Variants in KLF12 observed in about 807,000 individuals in gnomAD.
KLF12 encodes the protein KLF transcription factor 12.
KLF12 carries 9 observed loss-of-function variants against 37.8 expected under a neutral mutation model. That is an observed-to-expected ratio of 0.24 (90% CI 0.14 to 0.42). The LOEUF (loss-of-function observed/expected upper bound fraction) is 0.42. Among genes scored for constraint, KLF12 ranks in the 10% least tolerant of loss-of-function variants. The pLI, the probability that KLF12 is intolerant of heterozygous loss-of-function variation, is 1.00. For synonymous variants in KLF12, 208 were observed against 202.1 expected (o/e 1.03, Z -0.25); for missense variants, 411 against 516.0 (o/e 0.80, Z 1.97).
At chr13:73,917,447 C>T (rs1888901830) in intron 3 of KLF12, among the ~76,000 whole-genome samples, 2 of 152,224 alleles carry the variant, frequency 1.3e-5, no homozygotes, top group South Asian at 2.1e-4. Flanking sequence ...TTTTTAAATA[C>T]CTATGTTTTT....
the KLF12 span, among the ~76,000 whole-genome samples, chr13:74,222,733 T>C: frequency 6.6e-6 from 1 of 152,180 alleles, no homozygotes; most frequent in Non-Finnish European, 1.5e-5. Flanking sequence ...CTAAATAAAA[T>C]AATAATGTAT....
chr13:74,112,831 A>G (rs947344288), intron 1 of KLF12, among the ~76,000 whole-genome samples: 7 of 152,352 alleles, frequency 4.6e-5, no homozygotes, highest in Middle Eastern at 3.4e-3. Flanking sequence ...AGTAAGTTTA[A>G]TGAGGGAGGC....
the KLF12 span, among the ~76,000 whole-genome samples, chr13:74,294,879 C>G: frequency 6.6e-6 from 1 of 152,186 alleles, no homozygotes; most frequent in Non-Finnish European, 1.5e-5. Context: ...GCACCTCCCT[C>G]CAATCCATCA....
chr13:73,815,240 C>T (rs1020711075), intron 4 of KLF12, among the ~76,000 whole-genome samples: 1 of 152,164 alleles, frequency 6.6e-6, no homozygotes. Flanking sequence ...GGCAAAGCAA[C>T]CAGTTCCATC....
intron 3 of KLF12, among the ~76,000 whole-genome samples, chr13:73,893,402 G>A (rs1776068997): frequency 8.9e-6 from 1 of 112,788 alleles, no homozygotes; most frequent in Admixed American, 1.2e-4. Flanking sequence ...TTGAGACAGA[G>A]CCTCAGCCTC....
chr13:74,269,951 G>T, the KLF12 span, among the ~76,000 whole-genome samples: 4 of 152,194 alleles, frequency 2.6e-5, no homozygotes, highest in Non-Finnish European at 4.4e-5. Context: ...GCTGTTTGTG[G>T]TAATCTCAGT....
At chr13:74,208,632 A>G in the KLF12 span, among the ~76,000 whole-genome samples, 1 of 152,130 alleles carries the variant, frequency 6.6e-6, no homozygotes, top group African/African-American at 2.4e-5. Flanking sequence ...TTTTGGATAA[A>G]TACTTTCAAT....
intron 1 of KLF12, among the ~76,000 whole-genome samples, chr13:74,094,649 G>A (rs1167920887): frequency 6.6e-6 from 1 of 151,352 alleles, no homozygotes; most frequent in Admixed American, 6.6e-5. Flanking sequence ...GCCCAGACTG[G>A]AGGGCAGCGG....
intron 7 of KLF12, among the ~76,000 whole-genome samples, chr13:73,707,062 T>C (rs939776204): frequency 6.6e-6 from 1 of 152,194 alleles, no homozygotes; most frequent in Non-Finnish European, 1.5e-5. Context: ...AGGTAGGTAC[T>C]GCTGGGTAGA....
chr13:74,281,250 C>T, the KLF12 span, among the ~76,000 whole-genome samples: 29 of 152,188 alleles, frequency 1.9e-4, no homozygotes, highest in African/African-American at 7.0e-4. Flanking sequence ...AGAAATTATA[C>T]TTGCTGGGAA....
intron 7 of KLF12, among the ~76,000 whole-genome samples, chr13:73,701,046 TCTTTC>T (rs1874518726): frequency 6.6e-6 from 1 of 152,208 alleles, no homozygotes; most frequent in African/African-American, 2.4e-5. Context: ...TTTTTTGTCT[TCTTTC>T]CTTTAAAAAC....
chr13:74,121,358 A>G (rs901714774), intron 1 of KLF12, among the ~76,000 whole-genome samples: 1 of 152,106 alleles, frequency 6.6e-6, no homozygotes, highest in Non-Finnish European at 1.5e-5. Flanking sequence ...AAGAGAATGA[A>G]AAACTTCCCA....
At chr13:73,781,215 C>T (rs1361572662) in intron 5 of KLF12, among the ~76,000 whole-genome samples, 1 of 152,222 alleles carries the variant, frequency 6.6e-6, no homozygotes, top group Non-Finnish European at 1.5e-5. Flanking sequence ...AGTACACACA[C>T]TGTTTAAGAT....
intron 5 of KLF12, among the ~76,000 whole-genome samples, chr13:73,775,855 G>C (rs539078940): frequency 6.6e-6 from 1 of 152,286 alleles, no homozygotes; most frequent in East Asian, 1.9e-4. Context: ...ATATAATACA[G>C]ACATTCTGTC....
chr13:74,214,413 G>A, the KLF12 span, among the ~76,000 whole-genome samples: 3 of 152,098 alleles, frequency 2.0e-5, no homozygotes, highest in Admixed American at 6.5e-5. Flanking sequence ...CTGTATTTTA[G>A]TTAACATCCT....
upstream of KLF12, among the ~76,000 whole-genome samples, chr13:74,138,541 G>T (rs563311024): frequency 2.6e-5 from 4 of 152,174 alleles, no homozygotes; most frequent in African/African-American, 7.2e-5. Flanking sequence ...TGATTTGGGG[G>T]ATGAGCTGTC....
intron 6 of KLF12, among the ~76,000 whole-genome samples, chr13:73,761,541 G>A (rs556000986): frequency 4.5e-4 from 69 of 152,140 alleles, no homozygotes; most frequent in Non-Finnish European, 4.7e-4. Flanking sequence ...ACAATTGCAC[G>A]CCCTTGAAGC....
intron 1 of KLF12, among the ~76,000 whole-genome samples, chr13:74,088,535 T>C (rs1204236964): frequency 2.0e-5 from 3 of 152,148 alleles, no homozygotes; most frequent in Non-Finnish European, 4.4e-5. Flanking sequence ...GCCCTAGATC[T>C]TTCAACTCTA....
At chr13:74,259,634 T>G in the KLF12 span, 1 of 152,214 alleles carries the variant, frequency 6.6e-6, no homozygotes, top group African/African-American at 2.4e-5. Flanking sequence ...ATTTAAGAAT[T>G]TCTTTAGCCA....
Sources: allele counts gnomAD v4.1 joint callset (sites outside exome capture counted in the v4.1 genomes callset), GRCh38; gene constraint gnomAD v4.1.1; transcripts MANE v1.5; gene names NCBI Gene and HGNC (gene_info 2026-07-23, HGNC 2026-07-21).